XKR9: variants seen among roughly 807,000 people sequenced by gnomAD.
The protein encoded by XKR9 is XK-related protein 9.
A neutral mutation model predicts 32.0 loss-of-function variants in XKR9; 32 were observed. The ratio of observed to expected loss-of-function variants is 1.00; its 90% CI spans 0.76 to 1.34. The LOEUF (loss-of-function observed/expected upper bound fraction) is 1.34. Among genes scored for constraint, XKR9 ranks in the 40% most tolerant of loss-of-function variants. The pLI is 0.00. For synonymous variants in XKR9, 168 were observed against 143.4 expected (o/e 1.17, Z -1.22); for missense variants, 546 against 429.7 (o/e 1.27, Z -2.39).
At chr8:71,038,580 A>C in the XKR9 span, among the ~76,000 whole-genome samples, 1 of 151,522 alleles carries the variant, frequency 6.6e-6, no homozygotes, top group Non-Finnish European at 1.5e-5. Context: ...GGCATCCAAA[A>C]GTGCTGGGAT....
At chr8:70,976,463 T>C in the XKR9 span, among the ~76,000 whole-genome samples, 1 of 152,218 alleles carries the variant, frequency 6.6e-6, no homozygotes, top group Non-Finnish European at 1.5e-5. Flanking sequence ...TTTCTGCATC[T>C]ATTGAGATAA....
At chr8:70,808,382 T>C in the XKR9 span, among the ~76,000 whole-genome samples, 101,467 of 151,902 alleles carry the variant, frequency 0.67, 34,425 homozygotes, top group Admixed American at 0.74. Flanking sequence ...ATGCAGAAGA[T>C]GTATGATTTC....
the XKR9 span, among the ~76,000 whole-genome samples, chr8:70,945,026 A>C: frequency 6.6e-6 from 1 of 152,212 alleles, no homozygotes; most frequent in Admixed American, 6.5e-5. Flanking sequence ...CACAAGAGAA[A>C]ATACCTCCCA....
chr8:70,800,517 G>C, the XKR9 span, among the ~76,000 whole-genome samples: 1 of 151,992 alleles, frequency 6.6e-6, no homozygotes, highest in Non-Finnish European at 1.5e-5. Flanking sequence ...ATAAAGTGTT[G>C]CTCTGTCACC....
At chr8:70,775,610 A>G (rs1055143719) in intron 2 of XKR9, among the ~76,000 whole-genome samples, 1 of 152,156 alleles carries the variant, frequency 6.6e-6, no homozygotes, top group African/African-American at 2.4e-5. Flanking sequence ...ATTATTTTCA[A>G]ATATTATACC....
At chr8:70,756,858 A>G (rs1807233395) in intron 2 of XKR9, among the ~76,000 whole-genome samples, 1 of 151,978 alleles carries the variant, frequency 6.6e-6, no homozygotes, top group Non-Finnish European at 1.5e-5. Flanking sequence ...GTTTAATGCC[A>G]TGGCTAGATC....
chr8:70,745,971 T>C (rs1355683866), intron 2 of XKR9, among the ~76,000 whole-genome samples: 1 of 152,182 alleles, frequency 6.6e-6, no homozygotes, highest in African/African-American at 2.4e-5. Flanking sequence ...TTTGCACATA[T>C]ACATGTCTTT....
chr8:70,996,406 T>C, the XKR9 span, among the ~76,000 whole-genome samples: 1 of 152,182 alleles, frequency 6.6e-6, no homozygotes, highest in Non-Finnish European at 1.5e-5. Flanking sequence ...AATGAAATTA[T>C]GAAGTGTATG....
chr8:70,791,047 A>G (rs983931883), downstream of XKR9, among the ~76,000 whole-genome samples: 2 of 152,032 alleles, frequency 1.3e-5, no homozygotes, highest in African/African-American at 4.8e-5. Flanking sequence ...TAACACCATC[A>G]CCTTGGGAAT....
intron 4 of XKR9, among the ~76,000 whole-genome samples, chr8:70,718,563 C>G (rs1210584176): frequency 6.6e-6 from 1 of 152,090 alleles, no homozygotes; most frequent in Admixed American, 6.6e-5. Flanking sequence ...TGAGTGAGAA[C>G]ATGCAGTGTT....
chr8:70,956,776 CTT>C, the XKR9 span, among the ~76,000 whole-genome samples: 2 of 152,198 alleles, frequency 1.3e-5, no homozygotes, highest in East Asian at 3.9e-4. Context: ...TTGGCCATAA[CTT>C]TGCTCCACCC....
chr8:71,040,538 G>C, the XKR9 span, among the ~76,000 whole-genome samples: 1 of 152,072 alleles, frequency 6.6e-6, no homozygotes, highest in Non-Finnish European at 1.5e-5. Flanking sequence ...AGAGCTTCTT[G>C]GGCTAGAACT....
At chr8:70,995,097 T>C in the XKR9 span, among the ~76,000 whole-genome samples, 1 of 152,148 alleles carries the variant, frequency 6.6e-6, no homozygotes, top group African/African-American at 2.4e-5. Context: ...TTTAGACAAA[T>C]AAGGACAGGG....
At chr8:70,989,159 T>C in the XKR9 span, among the ~76,000 whole-genome samples, 923 of 152,318 alleles carry the variant, frequency 6.1e-3, 13 homozygotes, top group African/African-American at 0.021. Flanking sequence ...TTGGACATTA[T>C]CTACTAGGCA....
intron 2 of XKR9, among the ~76,000 whole-genome samples, chr8:70,770,622 G>A (rs112234405): frequency 2.3e-4 from 35 of 152,336 alleles, no homozygotes; most frequent in African/African-American, 8.2e-4. Context: ...CAGAGAGGAG[G>A]AATCTAGAGA....
At chr8:70,901,719 T>A in the XKR9 span, among the ~76,000 whole-genome samples, 3 of 152,196 alleles carry the variant, frequency 2.0e-5, no homozygotes, top group East Asian at 1.9e-4. Flanking sequence ...GGTGTTTTAG[T>A]CATGAAGTCC....
intron 3 of XKR9, among the ~76,000 whole-genome samples, chr8:70,701,638 G>A (rs948831526): frequency 1.7e-4 from 26 of 152,132 alleles, no homozygotes; most frequent in Admixed American, 8.5e-4. Context: ...TTATCCAAAG[G>A]TTTGTCCAGG....
At chr8:70,806,814 G>A in the XKR9 span, among the ~76,000 whole-genome samples, 1 of 152,128 alleles carries the variant, frequency 6.6e-6, no homozygotes. Context: ...AGGAGAGGAG[G>A]AGAATGGAGA....
the XKR9 span, among the ~76,000 whole-genome samples, chr8:70,966,176 A>G: frequency 3.3e-5 from 5 of 152,070 alleles, no homozygotes; most frequent in Non-Finnish European, 7.4e-5. Context: ...TTATTTACCT[A>G]GGAGTCATTC....
Sources: gnomAD v4.1 joint callset for allele counts (sites outside exome capture counted in the v4.1 genomes callset) on GRCh38, gnomAD v4.1.1 for gene constraint, MANE v1.5 for transcripts, NCBI Gene and HGNC (gene_info 2026-07-23, HGNC 2026-07-21) for gene names.